Variants in LDLRAD3 observed in about 807,000 individuals in gnomAD.
LDLRAD3 encodes the protein low-density lipoprotein receptor class A domain-containing protein 3.
A neutral mutation model predicts 29.4 loss-of-function variants in LDLRAD3; 20 were observed. The observed-to-expected ratio is 0.68, with a 90% CI of 0.48 to 0.99. LDLRAD3 has a LOEUF of 0.99. Ranked by LOEUF, LDLRAD3 falls within the 50% of genes least tolerant of loss-of-function variation. The probability of loss-of-function intolerance (pLI) is 0.00; values close to 1 mark genes in which losing one functional copy is unlikely to be tolerated. For synonymous variants in LDLRAD3, 157 were observed against 192.7 expected (o/e 0.81, Z 1.53); for missense variants, 420 against 454.3 (o/e 0.92, Z 0.69).
At position 36,214,415 on chromosome 11, in the gene LDLRAD3, T is replaced by A. The variant is rs11820553; in HGVS notation, c.455-12670T>A. On this transcript the variant is annotated intron_variant, in intron 4 of 5. Transcript: ENST00000315571. ...ACTTTTGGTCCTGCGAGTTGGTGGA[T>A]CTCTAGATGATTCTGGGAAAGGGTT... 8.8e-3 allele frequency among the ~76,000 whole-genome samples: 1,347 copies of A among 152,220 alleles called. 18 individuals are homozygous for A. Among genetic ancestry groups the A allele is most frequent in the African/African-American group, 0.031 (1,287 of 41,522 alleles).
At chr11:36,161,018 C>T (rs111489599) in intron 4 of LDLRAD3, among the ~76,000 whole-genome samples, 6 of 152,062 alleles carry the variant, frequency 3.9e-5, no homozygotes, top group African/African-American at 9.7e-5. Context: ...TGGTCTTGAA[C>T]GCCTGACCTC....
At chr11:36,165,651 A>G (rs1854502456) in intron 4 of LDLRAD3, among the ~76,000 whole-genome samples, 2 of 152,130 alleles carry the variant, frequency 1.3e-5, no homozygotes, top group African/African-American at 4.8e-5. Flanking sequence ...TGTGTTTTGC[A>G]TAGTTCATTG....
rs1475947624 is a variant in LDLRAD3, at chr11:36,230,938, A to T, written c.*1541A>T. The T allele has an allele frequency of 6.6e-6, 1 of 152,314 alleles. No homozygotes were observed. The highest frequency in any genetic ancestry group is 1.5e-5 in the Non-Finnish European group (1 of 68,020). 9.4% of individuals were successfully genotyped at this position (152,314 alleles called of 1,614,324 possible). On this transcript the variant is annotated 3_prime_UTR_variant, in exon 6 of 6. Coordinates refer to ENST00000315571, the MANE Select transcript of LDLRAD3 (RefSeq NM_174902.4). ...CTCTCTCCCTCCGTGTATAGTCTCT[A>T]TGTTTGTGCTAGTTTTTCTTTTTTT...
At position 36,213,019 on chromosome 11, in the gene LDLRAD3, C is replaced by A. The variant is rs1395285238; in HGVS notation, c.455-14066C>A. On this transcript the variant is annotated intron_variant, in intron 4 of 5. Coordinates refer to ENST00000315571, the MANE Select transcript of LDLRAD3 (RefSeq NM_174902.4). This position sits in a 1 kb window ranked among gnomAD's most constrained non-coding sequence, Gnocchi z 4.1. ...ACTTCATTCGGTCTTCAGTTTAGAACTTTCTTCTCTCTCTGTCTCTCTCTC... is the reference window on the plus strand; with the variant it reads ...ACTTCATTCGGTCTTCAGTTTAGAAATTTCTTCTCTCTCTGTCTCTCTCTC... Among the ~76,000 whole-genome samples the A allele has an allele frequency of 4.6e-5, 7 of 151,748 alleles. No individual in the cohort carries two copies. The highest frequency in any genetic ancestry group is 7.4e-5 in the Non-Finnish European group (5 of 67,976).
chr11:35,974,961 G>A (rs1370751665), intron 1 of LDLRAD3, among the ~76,000 whole-genome samples: 2 of 152,200 alleles, frequency 1.3e-5, no homozygotes, highest in Non-Finnish European at 2.9e-5. Flanking sequence ...CAACTTTTAA[G>A]GAGTGAAGCC....
At chr11:36,110,920 A>G (rs963585486) in intron 4 of LDLRAD3, among the ~76,000 whole-genome samples, 3 of 152,212 alleles carry the variant, frequency 2.0e-5, no homozygotes, top group Admixed American at 6.5e-5. Context: ...TTACAAATAC[A>G]TAAAAATGGA....
chr11:36,142,180 C>T (rs954707367), intron 4 of LDLRAD3, among the ~76,000 whole-genome samples: 3 of 152,172 alleles, frequency 2.0e-5, no homozygotes, highest in Non-Finnish European at 2.9e-5. Context: ...CCATTTGGGA[C>T]ACTCTGAATG....
chr11:36,051,644 A>G (rs972060897), intron 2 of LDLRAD3, among the ~76,000 whole-genome samples: 1 of 152,212 alleles, frequency 6.6e-6, no homozygotes, highest in African/African-American at 2.4e-5. Context: ...CTTGCCTGCC[A>G]TCATCTGTCA....
At chr11:36,010,177 GCAAA>G (rs1404899069) in intron 1 of LDLRAD3, 1 of 154,366 alleles carries the variant, frequency 6.5e-6, no homozygotes, top group African/African-American at 2.4e-5. Context: ...CAGAAGAAAT[GCAAA>G]CAAAGTACAG....
rs1200094580 is a variant in LDLRAD3, at chr11:36,228,789, C to A, written c.801-371C>A. On this transcript the variant is annotated intron_variant, in intron 5 of 5. Transcript: ENST00000315571. ...AGAAATGCCAATTCCATGTTCCCAT[C>A]AGAGGCCCAGTCAAGATACCAGCCC... 2.6e-5 allele frequency among the ~76,000 whole-genome samples: 4 copies of A among 152,198 alleles called. No individual in the cohort carries two copies. In the East Asian group the frequency reaches 7.7e-4, roughly 29 times the overall value.
chr11:36,036,280 G>A, intron 2 of LDLRAD3, 31 bp downstream of exon 2: 1 of 1,613,510 alleles, frequency 6.2e-7, no homozygotes, highest in South Asian at 1.1e-5. Flanking sequence ...CTGGGGTGGG[G>A]TGGCAGCCAT....
intron 4 of LDLRAD3, among the ~76,000 whole-genome samples, chr11:36,210,779 T>C (rs1332821705): frequency 6.6e-6 from 1 of 152,232 alleles, no homozygotes; most frequent in Non-Finnish European, 1.5e-5. Flanking sequence ...GATTTTTAAC[T>C]GTTCAGGTAT....
intron 4 of LDLRAD3, among the ~76,000 whole-genome samples, chr11:36,165,489 G>A (rs915168897): frequency 6.6e-6 from 1 of 151,934 alleles, no homozygotes; most frequent in South Asian, 2.1e-4. Context: ...ACCCCCACAA[G>A]CAATTTGATA....
chr11:35,950,217 T>C (rs997558377), intron 1 of LDLRAD3, among the ~76,000 whole-genome samples: 3 of 152,188 alleles, frequency 2.0e-5, no homozygotes, highest in African/African-American at 7.2e-5. Flanking sequence ...GTTGTACTGA[T>C]GGATCTTGGA....
intron 4 of LDLRAD3, among the ~76,000 whole-genome samples, chr11:36,215,637 G>T (rs1855342337): frequency 6.6e-6 from 1 of 152,160 alleles, no homozygotes; most frequent in Admixed American, 6.5e-5. Context: ...AAAACGAACA[G>T]CCCTGCCCTC....
chr11:36,122,244 A>G (rs1226825793), intron 4 of LDLRAD3, among the ~76,000 whole-genome samples: 14 of 152,076 alleles, frequency 9.2e-5, no homozygotes, highest in Admixed American at 9.2e-4. Flanking sequence ...TGTGTGCCCA[A>G]GCGAGGAAGC....
chr11:36,008,236 G>T (rs1851909156), intron 1 of LDLRAD3, among the ~76,000 whole-genome samples: 2 of 152,028 alleles, frequency 1.3e-5, no homozygotes, highest in Non-Finnish European at 2.9e-5. Flanking sequence ...AAACAAATTG[G>T]GTAAAATCCT....
chr11:36,111,249 C>T (rs1194109042), intron 4 of LDLRAD3, among the ~76,000 whole-genome samples: 1 of 152,124 alleles, frequency 6.6e-6, no homozygotes, highest in Non-Finnish European at 1.5e-5. Context: ...TGCTAGCCTA[C>T]AGGCAGGATG....
At chr11:36,096,335 G>A (rs1853360677) in intron 3 of LDLRAD3, among the ~76,000 whole-genome samples, 1 of 152,158 alleles carries the variant, frequency 6.6e-6, no homozygotes, top group Non-Finnish European at 1.5e-5. Context: ...CCATCTTGCC[G>A]TTGAGGACCA....
Sources: gnomAD v4.1 joint callset for allele counts (sites outside exome capture counted in the v4.1 genomes callset) on GRCh38, gnomAD v4.1.1 for gene constraint, Gnocchi (gnomAD v3.1) non-coding constraint, MANE v1.5 for transcripts, NCBI Gene and HGNC (gene_info 2026-07-23, HGNC 2026-07-21) for gene names.